The following ABTB3 variants were observed in gnomAD, a reference collection of about 807,000 sequenced individuals.
The protein encoded by ABTB3 is ankyrin repeat and BTB domain containing 3.
chr12:107,399,654 T>A, the ABTB3 span, among the ~76,000 whole-genome samples: 23 of 152,230 alleles, frequency 1.5e-4, no homozygotes, highest in Non-Finnish European at 3.1e-4. Flanking sequence ...CTGGCCCACA[T>A]GCTTTACATA....
the ABTB3 span, among the ~76,000 whole-genome samples, chr12:107,630,112 C>T: frequency 0.013 from 2,020 of 152,200 alleles, 43 homozygotes; most frequent in African/African-American, 0.045. Context: ...AAGGATGCAG[C>T]GGGGAGTTTT....
At chr12:107,443,251 G>A in the ABTB3 span, among the ~76,000 whole-genome samples, 1 of 151,888 alleles carries the variant, frequency 6.6e-6, no homozygotes, top group East Asian at 1.9e-4. Flanking sequence ...GAAATGGCGC[G>A]GCCTTTTTTT....
chr12:107,608,718 T>A, the ABTB3 span, among the ~76,000 whole-genome samples: 1 of 151,530 alleles, frequency 6.6e-6, no homozygotes, highest in Non-Finnish European at 1.5e-5. Flanking sequence ...AAAATTTTTT[T>A]TGATGAGCTG....
At chr12:107,608,947 A>AAAAT in the ABTB3 span, among the ~76,000 whole-genome samples, 75 of 84,704 alleles carry the variant, frequency 8.9e-4, 2 homozygotes, top group African/African-American at 3.3e-3. Context: ...TAAAATAAAT[A>AAAAT]AAATAAAATA....
the ABTB3 span, among the ~76,000 whole-genome samples, chr12:107,588,248 G>C: frequency 6.6e-6 from 1 of 152,182 alleles, no homozygotes; most frequent in Non-Finnish European, 1.5e-5. Flanking sequence ...TACCCATATG[G>C]AAAAGGAGTC....
chr12:107,437,183 A>G, the ABTB3 span, among the ~76,000 whole-genome samples: 1 of 152,134 alleles, frequency 6.6e-6, no homozygotes. Context: ...GCTTAAAACA[A>G]CAGAAATGTA....
the ABTB3 span, among the ~76,000 whole-genome samples, chr12:107,516,023 G>A: frequency 7.3e-6 from 1 of 137,770 alleles, no homozygotes; most frequent in Non-Finnish European, 1.5e-5. Flanking sequence ...ATTATGAAGA[G>A]TGTGTGTGTG....
chr12:107,641,781 G>A, the ABTB3 span, among the ~76,000 whole-genome samples: 5 of 152,218 alleles, frequency 3.3e-5, no homozygotes, highest in South Asian at 2.1e-4. Flanking sequence ...TGCCATGAAG[G>A]TGGCGGCCAC....
the ABTB3 span, chr12:107,657,660 C>T: frequency 6.2e-7 from 1 of 1,614,060 alleles, no homozygotes; most frequent in Non-Finnish European, 8.5e-7. Context: ...TTACAGAGGA[C>T]GTTGGCCATC....
the ABTB3 span, among the ~76,000 whole-genome samples, chr12:107,585,974 A>G: frequency 6.6e-6 from 1 of 152,336 alleles, no homozygotes; most frequent in South Asian, 2.1e-4. Context: ...AGTGCCCAGG[A>G]CCTAAATGTC....
chr12:107,600,255 C>T, the ABTB3 span, among the ~76,000 whole-genome samples: 1 of 152,208 alleles, frequency 6.6e-6, no homozygotes, highest in African/African-American at 2.4e-5. Context: ...CTTGAGCAAC[C>T]GATACGCAAC....
At chr12:107,410,958 T>C in the ABTB3 span, among the ~76,000 whole-genome samples, 25 of 152,188 alleles carry the variant, frequency 1.6e-4, no homozygotes, top group African/African-American at 5.6e-4. Context: ...CATCTAGAGC[T>C]GTGCTATCCA....
At chr12:107,528,057 G>A in the ABTB3 span, among the ~76,000 whole-genome samples, 1 of 152,200 alleles carries the variant, frequency 6.6e-6, no homozygotes, top group Non-Finnish European at 1.5e-5. Flanking sequence ...TGGATGGAAG[G>A]AAGAGTAGGA....
the ABTB3 span, chr12:107,617,302 A>G: frequency 6.2e-7 from 1 of 1,614,032 alleles, no homozygotes; most frequent in Non-Finnish European, 8.5e-7. Context: ...GGCTTGCAGG[A>G]AATTTTGAGC....
the ABTB3 span, among the ~76,000 whole-genome samples, chr12:107,387,997 G>T: frequency 4.9e-5 from 6 of 123,146 alleles, no homozygotes; most frequent in East Asian, 1.6e-3. Context: ...TTTTGAGACA[G>T]AGTCTCGCTC....
At chr12:107,416,927 C>A in the ABTB3 span, among the ~76,000 whole-genome samples, 1 of 152,176 alleles carries the variant, frequency 6.6e-6, no homozygotes, top group South Asian at 2.1e-4. Context: ...GCCACCGTGC[C>A]CAGCCACCCC....
chr12:107,556,936 T>C, the ABTB3 span, among the ~76,000 whole-genome samples: 1 of 151,892 alleles, frequency 6.6e-6, no homozygotes, highest in Non-Finnish European at 1.5e-5. Context: ...TGCTTGAACC[T>C]GGGAGGTGGA....
the ABTB3 span, among the ~76,000 whole-genome samples, chr12:107,404,906 T>G: frequency 6.6e-6 from 1 of 152,210 alleles, no homozygotes; most frequent in African/African-American, 2.4e-5. Flanking sequence ...CATAGCCTCC[T>G]ACAGGGAAGG....
At chr12:107,626,993 A>T in the ABTB3 span, among the ~76,000 whole-genome samples, 29 of 152,130 alleles carry the variant, frequency 1.9e-4, no homozygotes, top group Admixed American at 1.9e-3. Flanking sequence ...AAAAATAAAA[A>T]TTAAAATTAA....
Sources: gnomAD v4.1 joint callset for allele counts (sites outside exome capture counted in the v4.1 genomes callset) on GRCh38, gnomAD v4.1.1 for gene constraint, MANE v1.5 for transcripts, NCBI Gene and HGNC (gene_info 2026-07-23, HGNC 2026-07-21) for gene names.